Variants in ATP12A observed in about 807,000 individuals in gnomAD.
ATP12A encodes the protein potassium-transporting ATPase alpha chain 2.
Under a neutral mutation model 111.2 loss-of-function variants are expected in ATP12A, and 81 were observed. The ratio of observed to expected loss-of-function variants is 0.73; its 90% CI spans 0.61 to 0.88. The LOEUF is 0.88. ATP12A is among the 40% of genes least tolerant of loss of function. The probability of loss-of-function intolerance (pLI) is 0.00; values close to 1 mark genes in which losing one functional copy is unlikely to be tolerated. For synonymous variants in ATP12A, 498 were observed against 499.8 expected (o/e 1.00, Z 0.05); for missense variants, 1,196 against 1,313.1 (o/e 0.91, Z 1.38).
chr13:24,703,246 G>A (rs937161175), intron 14 of ATP12A, among the ~76,000 whole-genome samples: 1 of 152,056 alleles, frequency 6.6e-6, no homozygotes, highest in Non-Finnish European at 1.5e-5. Flanking sequence ...TTGTTTGTTT[G>A]TTTGTTTGTT....
Position 24,701,424 on chromosome 13 carries a change from C to G in ATP12A, c.1881+502C>G, listed in dbSNP as rs567647614. 2.7e-5 allele frequency among the ~76,000 whole-genome samples: 4 copies of G among 147,222 alleles called. No individual in the cohort carries two copies. The East Asian group carries it at 8.1e-4, about 30-fold the overall frequency. ...GCTGAGGCAGGAGAATCTCTTGAAT[C>G]CAGGAGGCAGAGGTTGCAGTGAGCC... On this transcript the variant is annotated intron_variant, in intron 13 of 22. Transcript: ENST00000381946.
rs77445636 is a variant in ATP12A, at chr13:24,691,913, A to G, written c.1069-516A>G. On this transcript the variant is annotated intron_variant, in intron 8 of 22. Transcript: ENST00000381946. ...GTCTCCTCTGACTCCAGGAGATAGT[A>G]ATTTGGGGAAATTGGAGCCAAAAGA... Among the ~76,000 whole-genome samples the G allele has an allele frequency of 2.9e-3, 446 of 152,348 alleles. 2 individuals are homozygous for G. The highest frequency in any genetic ancestry group is 5.2e-3 in the Non-Finnish European group (351 of 68,036).
intron 11 of ATP12A, among the ~76,000 whole-genome samples, chr13:24,697,487 G>A (rs956983471): frequency 9.2e-5 from 14 of 151,614 alleles, no homozygotes; most frequent in African/African-American, 2.4e-4. Flanking sequence ...AACAAAAAAC[G>A]AAATTAGCTG....
intron 4 of ATP12A, 69 bp downstream of exon 4, chr13:24,688,591 C>A: frequency 7.1e-7 from 1 of 1,408,470 alleles, no homozygotes; most frequent in Non-Finnish European, 9.4e-7. Flanking sequence ...GGGGGCACAG[C>A]TGGGGGCTGA....
At position 24,700,807 on chromosome 13, in the gene ATP12A, A is replaced by G. The variant is rs150819395; in HGVS notation, c.1766A>G (p.Asp589Gly). The G allele has an allele frequency of 3.1e-6, 5 of 1,613,966 alleles. No homozygotes were observed. In the African/African-American group the frequency reaches 5.3e-5, roughly 17 times the overall value. ...CCAGAAACCTACTCATTTGACATAG[A>G]CGCTATGAACTTTCCGACCTCCAAC... is the stretch of plus-strand genomic sequence containing the variant. ...EFPETYSFDI[D>G]AMNFPTSNLC... Residue 589 changes from aspartate (D) to glycine (G), a missense_variant, in exon 13 of 23, where the codon GAC becomes GGC. By Grantham distance (94) the Asp-to-Gly change is moderately conservative. Coordinates refer to ENST00000381946, the MANE Select transcript of ATP12A (RefSeq NM_001676.7).
intron 17 of ATP12A, among the ~76,000 whole-genome samples, chr13:24,708,964 G>GAAAGGAAGAAAGAAA (rs1566078416): frequency 7.8e-5 from 9 of 114,732 alleles, no homozygotes; most frequent in African/African-American, 3.0e-4. Flanking sequence ...AAAGAAAGAA[G>GAAAGGAAGAAAGAAA]GAAAGAGAAA....
chr13:24,690,301 C>T, intron 5 of ATP12A, 37 bp from the exon 6 acceptor site: 1 of 1,609,218 alleles, frequency 6.2e-7, no homozygotes. Context: ...GGTGTCCTTC[C>T]AGGGTCTGAG....
intron 3 of ATP12A, among the ~76,000 whole-genome samples, chr13:24,687,367 G>A (rs1338739509): frequency 6.6e-6 from 1 of 152,136 alleles, no homozygotes; most frequent in East Asian, 1.9e-4. Flanking sequence ...GGGAGGCTGA[G>A]GCAGGAGAAT....
intron 17 of ATP12A, among the ~76,000 whole-genome samples, chr13:24,708,929 G>T (rs1875808273): frequency 7.2e-6 from 1 of 138,842 alleles, no homozygotes; most frequent in South Asian, 2.4e-4. Context: ...AAGAAAGAAA[G>T]AAAGAAAGAA....
At chr13:24,686,300 C>T (rs1874661699) in intron 3 of ATP12A, among the ~76,000 whole-genome samples, 3 of 151,904 alleles carry the variant, frequency 2.0e-5, no homozygotes, top group African/African-American at 7.3e-5. Flanking sequence ...ATTGGCAGGG[C>T]GTGGTGGCAC....
chr13:24,689,091 T>TA (rs11423345), intron 4 of ATP12A, among the ~76,000 whole-genome samples, 171 bp from the exon 5 acceptor site: 34,845 of 148,330 alleles, frequency 0.23, 4,429 homozygotes, highest in East Asian at 0.47. Context: ...TCTGTAAACT[T>TA]AAAAAAAAAA....
chr13:24,681,651 T>C lies in ATP12A; in HGVS notation c.99T>C (p.Gly33=). ...DKGDGKEKYR[G]LKNNCLELKK... ...GGGATGGCAAGGAGAAGTATAGGGG[T>C]CTGAAGAACAACTGCCTGGAACTCA... The change falls in exon 2 of 23, where the codon GGT becomes GGC. Residue 33 remains glycine (G), a synonymous_variant. Coordinates refer to ENST00000381946, the MANE Select transcript of ATP12A (RefSeq NM_001676.7). 1 of 1,614,074 alleles carries C rather than the reference T, an allele frequency of 6.2e-7. No homozygotes were observed.
chr13:24,701,492 ACT>A (rs1343459264), intron 13 of ATP12A, among the ~76,000 whole-genome samples: 23 of 132,784 alleles, frequency 1.7e-4, no homozygotes, highest in African/African-American at 6.9e-4. Context: ...CAAGAGTGAA[ACT>A]CTGTCTCAAA....
chr13:24,703,461 C>A (rs1050460687), intron 14 of ATP12A: 3 of 152,188 alleles, frequency 2.0e-5, no homozygotes, highest in Non-Finnish European at 2.9e-5. Flanking sequence ...AGGCTGGTCT[C>A]AAACTCCTGA....
At position 24,692,891 on chromosome 13, in the gene ATP12A, A is replaced by G. The variant is rs147563292; in HGVS notation, c.1372A>G (p.Met458Val). The G allele has an allele frequency of 1.9e-6, 3 of 1,612,990 alleles. No individual in the cohort carries two copies. Among genetic ancestry groups the G allele is most frequent in the African/African-American group, 1.3e-5 (1 of 74,916 alleles). The change falls in exon 10 of 23, where the codon ATG (methionine) becomes GTG (valine). Residue 458 changes from methionine to valine, a missense_variant. Met to Val is a conservative substitution (Grantham distance 21). This residue lies in a region of ATP12A where 1,126 missense variants were observed against 1,228.5 expected (regional missense o/e 0.92). Transcript: ENST00000381946. ...FKPGQENVPI[M>V]KKAVIGDASE... ...GCCAGGACAGGAAAATGTCCCCATC[A>G]TGAAGGTAATGCTTCTGCAGCACTT...
rs559250959 is a variant in ATP12A at position 24,710,396 on chromosome 13, A to G, written c.2764-64A>G. The G allele has an allele frequency of 4.9e-5, 78 of 1,591,912 alleles. No homozygotes were observed. In the Middle Eastern group the frequency reaches 6.7e-4, roughly 14 times the overall value. ...AGAACATGAAGCTTTAGAGAACTGC[A>G]TTGGAATTTCCTAGAAGTTTTCCTT... On this transcript the variant is annotated intron_variant, in intron 19 of 22. Coordinates refer to ENST00000381946, the MANE Select transcript of ATP12A (RefSeq NM_001676.7).
intron 11 of ATP12A, among the ~76,000 whole-genome samples, chr13:24,698,049 A>G (rs933145071): frequency 9.9e-5 from 15 of 151,976 alleles, no homozygotes; most frequent in African/African-American, 3.4e-4. Context: ...TTTTTTTTGC[A>G]TATCTTATTA....
intron 20 of ATP12A, 58 bp from the exon 21 acceptor site, chr13:24,710,734 G>T: frequency 1.2e-6 from 2 of 1,602,090 alleles, no homozygotes; most frequent in Non-Finnish European, 1.7e-6. Flanking sequence ...GGTCTGCTGG[G>T]TGTATGATCA....
In ATP12A at chr13:24,680,722, C is replaced by G. The variant is rs908632953; in HGVS notation, c.-22C>G. 1 of 1,501,748 alleles carries G rather than the reference C, an allele frequency of 6.7e-7. No individual in the cohort carries two copies. Among genetic ancestry groups the G allele is most frequent in the Non-Finnish European group, 8.8e-7 (1 of 1,132,872 alleles). 93.0% of individuals were successfully genotyped at this position (1,501,748 alleles called of 1,614,324 possible). On this transcript the variant is annotated 5_prime_UTR_variant, in exon 1 of 23. Transcript: ENST00000381946. The stretch of plus-strand genomic sequence containing the variant: ...CCGGATCCGCGCTCCACGCCCGCAG[C>G]CCGCGGCGCCACCAGCCCAGCATGC...
Sources: gnomAD v4.1 joint callset for allele counts (sites outside exome capture counted in the v4.1 genomes callset) on GRCh38, gnomAD v4.1.1 for gene constraint, gnomAD v4.1.1 regional missense constraint, MANE v1.5 for transcripts, NCBI Gene and HGNC (gene_info 2026-07-23, HGNC 2026-07-21) for gene names.